Variants in NCOA3 observed in about 807,000 individuals in gnomAD.
NCOA3 encodes CBP-interacting protein.
NCOA3 carries 51 observed loss-of-function variants against 158.8 expected under a neutral mutation model. That is an observed-to-expected ratio of 0.32 (90% CI 0.26 to 0.41). The LOEUF (loss-of-function observed/expected upper bound fraction) is 0.41, where lower values mean the gene tolerates loss of function less well. Ranked by LOEUF, NCOA3 falls within the 10% of genes least tolerant of loss-of-function variation. The pLI, the probability that NCOA3 is intolerant of heterozygous loss-of-function variation, is 1.00. For synonymous variants in NCOA3, 537 were observed against 592.4 expected (o/e 0.91, Z 1.36); for missense variants, 1,510 against 1,746.6 (o/e 0.86, Z 2.41).
chr20:47,638,867 T>C (rs2086559813), intron 13 of NCOA3, 141 bp from the exon 14 acceptor site: 3 of 685,320 alleles, frequency 4.4e-6, no homozygotes, highest in Middle Eastern at 8.7e-4. Context: ...GCCACTTCCC[T>C]CACTTATTTT....
intron 16 of NCOA3, among the ~76,000 whole-genome samples, chr20:47,641,418 C>G (rs568490314): frequency 7.0e-6 from 1 of 143,500 alleles, no homozygotes; most frequent in Non-Finnish European, 1.5e-5. Flanking sequence ...CTCCTGGGCT[C>G]AAGCAATCTG....
intron 10 of NCOA3, among the ~76,000 whole-genome samples, chr20:47,635,026 TCAGGCG>T (rs2086487911): frequency 6.7e-6 from 1 of 149,706 alleles, no homozygotes; most frequent in South Asian, 2.2e-4. Flanking sequence ...ACTCCTGGGC[TCAGGCG>T]ATCCTCCCAC....
chr20:47,536,787 C>G lies in NCOA3; in HGVS notation c.-99+34768C>G, dbSNP rs1236222432. On this transcript the variant is annotated intron_variant, in intron 1 of 22. Transcript: ENST00000371998. ...ATTACAGGTATGAAGCCATTGTGCC[C>G]AGCCTCACTGTTTTTTTCTTTTTTT... Among the ~76,000 whole-genome samples, 4 of 151,586 alleles carry G rather than the reference C, an allele frequency of 2.6e-5. No homozygotes were observed. The South Asian group carries it at 8.4e-4, about 32-fold the overall frequency.
chr20:47,570,827 G>A (rs546234681), intron 1 of NCOA3, among the ~76,000 whole-genome samples: 1 of 151,428 alleles, frequency 6.6e-6, no homozygotes, highest in South Asian at 2.1e-4. Context: ...TAATCCATGG[G>A]ATGCAGAACA....
chr20:47,573,268 C>CTA (rs1226989881), intron 1 of NCOA3, among the ~76,000 whole-genome samples: 91 of 152,144 alleles, frequency 6.0e-4, no homozygotes, highest in Non-Finnish European at 4.0e-4. Context: ...TGGCAGGCGC[C>CTA]TATAACCCCA....
intron 1 of NCOA3, among the ~76,000 whole-genome samples, chr20:47,571,548 C>T (rs1349834218): frequency 2.0e-5 from 3 of 150,182 alleles, no homozygotes; most frequent in Non-Finnish European, 4.4e-5. Flanking sequence ...GAACTCCTGG[C>T]CTCAAGCAAT....
chr20:47,546,577 G>C (rs2084832967), intron 1 of NCOA3, among the ~76,000 whole-genome samples: 2 of 148,726 alleles, frequency 1.3e-5, no homozygotes, highest in Non-Finnish European at 3.0e-5. Context: ...TGTTGCCTAG[G>C]CTGAAGTGCA....
intron 2 of NCOA3, 31 bp from the exon 3 acceptor site, chr20:47,622,198 A>G: frequency 3.3e-6 from 4 of 1,204,604 alleles, no homozygotes; most frequent in African/African-American, 1.5e-5. Flanking sequence ...TTTTTAATGT[A>G]CTTATCTTAT....
At chr20:47,602,157 A>G (rs2085875299) in intron 2 of NCOA3, among the ~76,000 whole-genome samples, 1 of 152,232 alleles carries the variant, frequency 6.6e-6, no homozygotes, top group Non-Finnish European at 1.5e-5. Flanking sequence ...TTTCTGTGCT[A>G]TTACAAATAA....
At chr20:47,519,272 TA>T in intron 1 of NCOA3, among the ~76,000 whole-genome samples, 1 of 151,876 alleles carries the variant, frequency 6.6e-6, no homozygotes, top group Middle Eastern at 3.4e-3. Flanking sequence ...CTGTCTCTAC[TA>T]AAAATATGAA....
intron 2 of NCOA3, among the ~76,000 whole-genome samples, chr20:47,591,064 C>G (rs374025270): frequency 6.6e-6 from 1 of 151,990 alleles, no homozygotes; most frequent in South Asian, 2.1e-4. Flanking sequence ...GAGCCGAGAT[C>G]GCACCATTGC....
At chr20:47,579,249 G>A (rs2085416684) in intron 1 of NCOA3, among the ~76,000 whole-genome samples, 1 of 152,234 alleles carries the variant, frequency 6.6e-6, no homozygotes, top group Non-Finnish European at 1.5e-5. Flanking sequence ...GGCGTTACAG[G>A]TGTGCGCTGC....
At chr20:47,507,300 C>G (rs2084044588) in intron 1 of NCOA3, among the ~76,000 whole-genome samples, 1 of 152,128 alleles carries the variant, frequency 6.6e-6, no homozygotes, top group South Asian at 2.1e-4. Context: ...TTTATTGTAA[C>G]AATTTGACAA....
intron 1 of NCOA3, among the ~76,000 whole-genome samples, chr20:47,556,909 A>G (rs2085016739): frequency 6.6e-6 from 1 of 152,220 alleles, no homozygotes; most frequent in African/African-American, 2.4e-5. Flanking sequence ...ATTTCCGTGC[A>G]TATATAAACA....
chr20:47,643,877 C>CT (rs2086648179), intron 17 of NCOA3, among the ~76,000 whole-genome samples: 1 of 150,588 alleles, frequency 6.6e-6, no homozygotes, highest in Non-Finnish European at 1.5e-5. Context: ...AGTTGTATTT[C>CT]TTTCTGATTT....
chr20:47,560,367 G>A (rs948418195), intron 1 of NCOA3, among the ~76,000 whole-genome samples: 9 of 152,272 alleles, frequency 5.9e-5, no homozygotes, highest in East Asian at 1.9e-4. Context: ...GTGAGCCATC[G>A]TGCCCGGCCA....
Position 47,591,803 on chromosome 20 carries a change from T to C in NCOA3, c.-20+8542T>C, listed in dbSNP as rs188130313. Among the ~76,000 whole-genome samples, 20 of 152,222 alleles carry C rather than the reference T, an allele frequency of 1.3e-4. No individual in the cohort carries two copies. The East Asian group carries it at 3.3e-3, about 25-fold the overall frequency. The stretch of plus-strand genomic sequence containing the variant: ...GTTCTCAGTATGTGTGGTCTTTTTT[T>C]CTTGTGGATACTTTTAAGATTTTCT... On this transcript the variant is annotated intron_variant, in intron 2 of 22. Coordinates refer to ENST00000371998, the MANE Select transcript of NCOA3 (RefSeq NM_181659.3).
chr20:47,584,284 A>G (rs150148975), intron 2 of NCOA3, among the ~76,000 whole-genome samples: 1 of 152,226 alleles, frequency 6.6e-6, no homozygotes, highest in Non-Finnish European at 1.5e-5. Flanking sequence ...AACAGTATGA[A>G]ACCTTGTCTC....
rs2085467428 is a variant in NCOA3, at chr20:47,582,378, A to AT, written c.-98-799dup. On this transcript the variant is annotated intron_variant, in intron 1 of 22. Coordinates refer to ENST00000371998, the MANE Select transcript of NCOA3 (RefSeq NM_181659.3). ...AGGCGCATGCCATCACACCAAACTA[A>AT]TTTTTTGTATTTTTAGTAGATATGG... 4.0e-5 allele frequency among the ~76,000 whole-genome samples: 6 copies of AT among 151,838 alleles called. 1 individual carries two copies. The South Asian group carries it at 1.2e-3, about 32-fold the overall frequency.
Sources: gnomAD v4.1 joint callset for allele counts (sites outside exome capture counted in the v4.1 genomes callset) on GRCh38, gnomAD v4.1.1 for gene constraint, MANE v1.5 for transcripts, NCBI Gene and HGNC (gene_info 2026-07-23, HGNC 2026-07-21) for gene names.